Variants in TPD52 observed in about 807,000 individuals in gnomAD.
The protein encoded by TPD52 is tumor protein D52.
In TPD52, 17 loss-of-function variants were observed where a neutral mutation model predicts 31.3. The observed-to-expected ratio is 0.54, with a 90% CI of 0.37 to 0.82. The LOEUF (loss-of-function observed/expected upper bound fraction) is 0.82, where lower values mean the gene tolerates loss of function less well. TPD52 is among the 40% of genes least tolerant of loss of function. The probability of loss-of-function intolerance (pLI) is 0.00; values close to 1 mark genes in which losing one functional copy is unlikely to be tolerated. For missense variants in TPD52, 212 were observed against 240.1 expected (o/e 0.88, Z 0.77); for synonymous variants, 83 against 89.6 (o/e 0.93, Z 0.42).
intron 1 of TPD52, among the ~76,000 whole-genome samples, chr8:80,089,877 C>T (rs972060489): frequency 2.2e-4 from 33 of 152,124 alleles, no homozygotes; most frequent in African/African-American, 7.5e-4. Context: ...AGAAGCAAAA[C>T]ATCTGGAAGA....
chr8:80,082,406 G>A (rs755987816), intron 1 of TPD52, among the ~76,000 whole-genome samples: 1 of 151,954 alleles, frequency 6.6e-6, no homozygotes, highest in Admixed American at 6.6e-5. Flanking sequence ...ACTAAATATT[G>A]GTAGAAAAAG....
intron 1 of TPD52, among the ~76,000 whole-genome samples, chr8:80,156,270 G>A (rs1331012760): frequency 6.6e-6 from 1 of 152,196 alleles, no homozygotes; most frequent in Admixed American, 6.5e-5. Context: ...GACTCAGGGT[G>A]TCCAGGCTTC....
intron 1 of TPD52, among the ~76,000 whole-genome samples, chr8:80,086,681 C>G (rs973209591): frequency 6.6e-6 from 1 of 151,736 alleles, no homozygotes; most frequent in Non-Finnish European, 1.5e-5. Flanking sequence ...CGAGACCAGC[C>G]TGGCCAATAT....
At chr8:80,149,431 A>G (rs973115695) in intron 1 of TPD52, among the ~76,000 whole-genome samples, 1 of 152,120 alleles carries the variant, frequency 6.6e-6, no homozygotes, top group South Asian at 2.1e-4. Flanking sequence ...TAAATTACCC[A>G]CTTTCCAGTA....
intron 1 of TPD52, among the ~76,000 whole-genome samples, chr8:80,077,434 T>C (rs1814708690): frequency 6.6e-6 from 1 of 152,176 alleles, no homozygotes; most frequent in Non-Finnish European, 1.5e-5. Flanking sequence ...AAAGATGGAA[T>C]AGAATGTTGA....
At chr8:80,147,040 T>C (rs1350033292) in intron 1 of TPD52, among the ~76,000 whole-genome samples, 1 of 152,060 alleles carries the variant, frequency 6.6e-6, no homozygotes, top group East Asian at 1.9e-4. Context: ...TAACAAGCCC[T>C]CTGAGGGTGT....
chr8:80,097,101 G>A lies in TPD52; in HGVS notation c.20-32508C>T, dbSNP rs185228860. 2.6e-4 allele frequency among the ~76,000 whole-genome samples: 39 copies of A among 150,962 alleles called. No homozygotes were observed. The East Asian group carries it at 7.7e-3, about 30-fold the overall frequency. On this transcript the variant is annotated intron_variant, in intron 1 of 7. Coordinates refer to ENST00000518937, the MANE Select transcript of TPD52 (RefSeq NM_001025253.3). The stretch of plus-strand genomic sequence containing the variant: ...CAAAAACAGCCTTATTGCTGATATG[G>A]ACAAAGTTTGAATGCTCTGGATAGA...
intron 7 of TPD52, chr8:80,042,395 T>C (rs2130396620): frequency 1.0e-6 from 1 of 985,492 alleles, no homozygotes; most frequent in South Asian, 4.7e-5. Flanking sequence ...TTGTAAATTG[T>C]ACATTTCCTT....
intron 1 of TPD52, among the ~76,000 whole-genome samples, chr8:80,068,427 G>A (rs11984461): frequency 0.53 from 80,858 of 152,064 alleles, 22,427 homozygotes; most frequent in East Asian, 0.71. Flanking sequence ...ACTTTCCTGA[G>A]GGTCTAGGAA....
chr8:80,065,867 A>G (rs1813089114), intron 1 of TPD52, among the ~76,000 whole-genome samples: 1 of 151,552 alleles, frequency 6.6e-6, no homozygotes, highest in South Asian at 2.1e-4. Flanking sequence ...TCCTGGCCTC[A>G]GCTGCCTTAC....
intron 1 of TPD52, 192 bp from the exon 2 acceptor site, chr8:80,064,785 A>C: frequency 7.2e-6 from 5 of 693,172 alleles, no homozygotes; most frequent in Non-Finnish European, 1.3e-5. Context: ...GAAACTACCA[A>C]GTAGACTCTG....
chr8:80,103,025 C>T (rs546878540), intron 1 of TPD52, among the ~76,000 whole-genome samples: 41 of 152,316 alleles, frequency 2.7e-4, no homozygotes, highest in African/African-American at 9.6e-4. Context: ...TCTCCCACAC[C>T]TCGCCCTATG....
At chr8:80,042,792 G>GTTCTTT in intron 6 of TPD52, 124 bp from the exon 7 acceptor site, 7 of 819,302 alleles carry the variant, frequency 8.5e-6, no homozygotes, top group South Asian at 1.8e-5. Flanking sequence ...GATATAATCT[G>GTTCTTT]TACCATATAT....
chr8:80,070,072 C>T (rs1198072985), intron 1 of TPD52, among the ~76,000 whole-genome samples: 8 of 152,116 alleles, frequency 5.3e-5, no homozygotes, highest in Non-Finnish European at 1.0e-4. Context: ...GCATAACCAC[C>T]CATTTGCCAC....
At chr8:80,064,629 A>T (rs1374722403) in intron 1 of TPD52, 36 bp from the exon 2 acceptor site, 1 of 1,508,300 alleles carries the variant, frequency 6.6e-7, no homozygotes, top group Admixed American at 1.7e-5. Flanking sequence ...TAAAGTGCAA[A>T]ATCTAAGTAA....
At chr8:80,080,282 A>C in intron 1 of TPD52, 1 of 1,603,408 alleles carries the variant, frequency 6.2e-7, no homozygotes, top group Non-Finnish European at 8.5e-7. Flanking sequence ...GTTTTATTCC[A>C]AGCAAACTTA....
At chr8:80,150,158 A>G (rs112078346) in intron 1 of TPD52, among the ~76,000 whole-genome samples, 2,010 of 152,364 alleles carry the variant, frequency 0.013, 42 homozygotes, top group African/African-American at 0.046. Flanking sequence ...AAAGGGGCCA[A>G]GGTACAGCTC....
intron 1 of TPD52, among the ~76,000 whole-genome samples, chr8:80,096,658 A>C (rs1816767626): frequency 6.6e-6 from 1 of 152,120 alleles, no homozygotes; most frequent in African/African-American, 2.4e-5. Flanking sequence ...ATCTGTGATC[A>C]GTGACCTTTG....
chr8:80,066,654 C>T (rs1813185651), intron 1 of TPD52, among the ~76,000 whole-genome samples: 1 of 152,180 alleles, frequency 6.6e-6, no homozygotes, highest in Non-Finnish European at 1.5e-5. Flanking sequence ...GTAGCCCTTA[C>T]TGGACCCGTC....
Sources: allele counts gnomAD v4.1 joint callset (sites outside exome capture counted in the v4.1 genomes callset), GRCh38; gene constraint gnomAD v4.1.1; transcripts MANE v1.5; gene names NCBI Gene and HGNC (gene_info 2026-07-23, HGNC 2026-07-21).